ANAPC1: variants seen among roughly 807,000 people sequenced by gnomAD.
ANAPC1 encodes anaphase promoting complex subunit 1, also known as anaphase-promoting complex subunit 1.
Under a neutral mutation model 208.0 loss-of-function variants are expected in ANAPC1, and 36 were observed. The observed-to-expected ratio is 0.17, with a 90% CI of 0.13 to 0.23. The LOEUF (loss-of-function observed/expected upper bound fraction) is 0.23, where lower values mean the gene tolerates loss of function less well. Among genes scored for constraint, ANAPC1 ranks in the 10% least tolerant of loss-of-function variants. ANAPC1 has a pLI of 1.00. For missense variants in ANAPC1, 942 were observed against 2,011.6 expected, an observed-to-expected ratio of 0.47 and a Z score of 10.17; for synonymous variants, 378 against 695.2, an observed-to-expected ratio of 0.54 and a Z score of 7.18.
At chr2:111,855,620 C>CT (rs1163080934) in intron 13 of ANAPC1, among the ~76,000 whole-genome samples, 2 of 152,082 alleles carry the variant, frequency 1.3e-5, no homozygotes, top group East Asian at 1.9e-4. Context: ...TACATGGTAT[C>CT]TTTTTTTATA....
intron 44 of ANAPC1, chr2:111,779,011 T>C (rs1365570509): frequency 5.5e-6 from 1 of 180,748 alleles, no homozygotes; most frequent in Non-Finnish European, 1.2e-5. Context: ...TGGACCAAAC[T>C]AGGACAAAAT....
chr2:111,816,923 T>C (rs1467270260), intron 27 of ANAPC1, among the ~76,000 whole-genome samples: 1 of 83,162 alleles, frequency 1.2e-5, no homozygotes, highest in South Asian at 4.3e-4. Context: ...GTTACACTTG[T>C]ACTTTCTCAA....
At chr2:111,844,639 C>T (rs1680954397) in intron 16 of ANAPC1, among the ~76,000 whole-genome samples, 2 of 150,970 alleles carry the variant, frequency 1.3e-5, no homozygotes, top group Non-Finnish European at 2.9e-5. Flanking sequence ...TAAAATACTG[C>T]CTACATACTT....
In ANAPC1 at chr2:111,767,775, AT is replaced by A. The variant is rs1364478474; in HGVS notation, c.*1515del. 6.6e-6 allele frequency: 1 copy of A among 151,708 alleles called. No homozygotes were observed. The highest frequency in any genetic ancestry group is 1.5e-5 in the Non-Finnish European group (1 of 67,952). The allele number at this position is 151,708 out of a possible 1,614,324, so 9.4% of individuals were successfully genotyped here. On this transcript the variant is annotated 3_prime_UTR_variant, in exon 48 of 48. Coordinates refer to ENST00000341068, the MANE Select transcript of ANAPC1 (RefSeq NM_022662.4). The stretch of plus-strand genomic sequence containing the variant: ...GAATTTTCATAATCTACCACTTAAA[AT>A]TTATTTTTAATTAGAAGAAAACTAT...
chr2:111,877,040 A>G (rs958614293), intron 3 of ANAPC1, among the ~76,000 whole-genome samples: 2 of 151,392 alleles, frequency 1.3e-5, no homozygotes, highest in African/African-American at 4.9e-5. Flanking sequence ...GGATTTTCGG[A>G]ATGGGAATGC....
intron 7 of ANAPC1, 104 bp from the exon 8 acceptor site, chr2:111,865,055 C>T (rs1445097894): frequency 2.4e-6 from 3 of 1,249,600 alleles, no homozygotes; most frequent in Non-Finnish European, 3.3e-6. Context: ...AACAACCAAG[C>T]CAAAGAGAGC....
intron 18 of ANAPC1, among the ~76,000 whole-genome samples, chr2:111,835,917 T>C (rs1311169856): frequency 6.6e-6 from 1 of 152,184 alleles, no homozygotes; most frequent in Non-Finnish European, 1.5e-5. Flanking sequence ...TCAAAGACAC[T>C]GTTAAAGCCA....
chr2:111,799,134 G>T (rs1678313007), intron 34 of ANAPC1, among the ~76,000 whole-genome samples: 1 of 150,680 alleles, frequency 6.6e-6, no homozygotes, highest in African/African-American at 2.4e-5. Flanking sequence ...TAAAAAATAA[G>T]CAAAAGACAT....
intron 19 of ANAPC1, among the ~76,000 whole-genome samples, chr2:111,834,168 T>C (rs1341520015): frequency 6.6e-6 from 1 of 152,192 alleles, no homozygotes; most frequent in Middle Eastern, 3.2e-3. Context: ...AGGAAAGACA[T>C]TTAGGCAAGT....
At chr2:111,847,588 C>A (rs1311078221) in intron 15 of ANAPC1, 137 bp downstream of exon 15, 2 of 1,261,544 alleles carry the variant, frequency 1.6e-6, no homozygotes, top group African/African-American at 1.5e-5. Flanking sequence ...AAAGTAAAAT[C>A]GTGCCAAAAA....
At chr2:111,879,738 G>T (rs1482797884) in intron 2 of ANAPC1, among the ~76,000 whole-genome samples, 1 of 152,050 alleles carries the variant, frequency 6.6e-6, no homozygotes, top group East Asian at 1.9e-4. Context: ...TGGGCGTGGT[G>T]GCACATGCCT....
intron 17 of ANAPC1, among the ~76,000 whole-genome samples, chr2:111,839,537 CAG>C (rs1379353884): frequency 4.6e-5 from 7 of 152,150 alleles, no homozygotes; most frequent in Admixed American, 1.3e-4. Context: ...CTCACCTAAA[CAG>C]AGTTGATTTC....
chr2:111,775,814 A>G (rs1180795880), intron 46 of ANAPC1, among the ~76,000 whole-genome samples: 1 of 152,232 alleles, frequency 6.6e-6, no homozygotes. Flanking sequence ...ACGAAACACG[A>G]AAACCTTTGA....
intron 3 of ANAPC1, among the ~76,000 whole-genome samples, chr2:111,874,873 C>A (rs1299862320): frequency 1.3e-5 from 2 of 152,186 alleles, no homozygotes; most frequent in African/African-American, 4.8e-5. Context: ...AACTGCAATG[C>A]AAGGCATGAT....
At position 111,843,512 on chromosome 2, in the gene ANAPC1, G is replaced by C; in HGVS notation, c.1940C>G (p.Ala647Gly). ...MLVKWYNVHS[A>G]PGGPSYHSEW... is the part of the protein sequence containing the mutation. ...TGAGTGATAACTGGGTCCTCCTGGA[G>C]CACTGTGGACATTGTACCACTTGAC... The change falls in exon 17 of 48, where the codon GCT (alanine) becomes GGT (glycine). Residue 647 changes from alanine to glycine, a missense_variant. Physicochemically the swap from Ala to Gly is moderately conservative, Grantham distance 60. Coordinates refer to ENST00000341068, the MANE Select transcript of ANAPC1 (RefSeq NM_022662.4). The C allele has an allele frequency of 6.2e-7, 1 of 1,611,918 alleles. No individual in the cohort carries two copies. The highest frequency in any genetic ancestry group is 8.5e-7 in the Non-Finnish European group (1 of 1,179,802).
chr2:111,882,713 G>T (rs1372072517), intron 1 of ANAPC1, among the ~76,000 whole-genome samples: 1 of 151,406 alleles, frequency 6.6e-6, no homozygotes, highest in Non-Finnish European at 1.5e-5. Context: ...CTCCAGCCTG[G>T]GGGACAAGAG....
intron 6 of ANAPC1, among the ~76,000 whole-genome samples, chr2:111,870,802 T>C (rs1573510222): frequency 6.6e-6 from 1 of 152,216 alleles, no homozygotes. Flanking sequence ...TCCAAGGTGA[T>C]CTTCTAGAAT....
At chr2:111,866,800 TAA>T (rs59286666) in intron 7 of ANAPC1, among the ~76,000 whole-genome samples, 33 of 123,166 alleles carry the variant, frequency 2.7e-4, no homozygotes, top group Admixed American at 3.3e-4. Context: ...AAATTGTACT[TAA>T]AAAAAAAAAA....
chr2:111,882,432 A>G lies in ANAPC1; in HGVS notation c.-25+1510T>C, dbSNP rs1330610984. On this transcript the variant is annotated intron_variant, in intron 1 of 47. Coordinates refer to ENST00000341068, the MANE Select transcript of ANAPC1 (RefSeq NM_022662.4). Reference sequence around the variant, plus strand: ...AAGCCACAAAGTTATTTTGCTGTGAATTAAATGTTATTCTTGGCCAGGCAC... The same window carrying G: ...AAGCCACAAAGTTATTTTGCTGTGAGTTAAATGTTATTCTTGGCCAGGCAC... Among the ~76,000 whole-genome samples the G allele has an allele frequency of 2.0e-5, 3 of 151,924 alleles. No homozygotes were observed. In the East Asian group the frequency reaches 5.8e-4, roughly 30 times the overall value.
Sources: allele counts gnomAD v4.1 joint callset (sites outside exome capture counted in the v4.1 genomes callset), GRCh38; gene constraint gnomAD v4.1.1; transcripts MANE v1.5; gene names NCBI Gene and HGNC (gene_info 2026-07-23, HGNC 2026-07-21).